GPR55: variants seen among roughly 807,000 people sequenced by gnomAD.
GPR55 encodes the protein G protein-coupled receptor 55, also known as G-protein coupled receptor 55.
In GPR55, 6 loss-of-function variants were observed where a neutral mutation model predicts 7.9. The observed-to-expected ratio is 0.76, with a 90% CI of 0.41 to 1.49. GPR55 has a LOEUF of 1.49. Among genes scored for constraint, GPR55 ranks in the 40% most tolerant of loss-of-function variants. GPR55 has a pLI of 0.01. For missense variants in GPR55, 376 were observed against 406.0 expected, an observed-to-expected ratio of 0.93 and a Z score of 0.63; for synonymous variants, 183 against 166.8, an observed-to-expected ratio of 1.10 and a Z score of -0.75.
At chr2:230,952,230 C>T (rs1346092635) in intron 1 of GPR55, among the ~76,000 whole-genome samples, 1 of 151,692 alleles carries the variant, frequency 6.6e-6, no homozygotes, top group African/African-American at 2.4e-5. Context: ...AGCTTGTGTG[C>T]CAGGAGCCAC....
chr2:230,940,056 C>T (rs1482328421), intron 1 of GPR55, among the ~76,000 whole-genome samples: 2 of 152,164 alleles, frequency 1.3e-5, no homozygotes, highest in African/African-American at 2.4e-5. Context: ...CCTCCCATCC[C>T]TGAGCTACGT....
chr2:230,935,078 T>C (rs1306959780), intron 1 of GPR55, among the ~76,000 whole-genome samples: 1 of 152,064 alleles, frequency 6.6e-6, no homozygotes, highest in African/African-American at 2.4e-5. Context: ...AGGAAACGCC[T>C]GGGGTGGGGG....
chr2:230,949,922 C>T (rs1290972671), intron 1 of GPR55, among the ~76,000 whole-genome samples: 2 of 151,816 alleles, frequency 1.3e-5, no homozygotes, highest in Admixed American at 6.5e-5. Context: ...ACAACCTCCG[C>T]CTCCCGGGTT....
Position 230,934,546 on chromosome 2 carries a change from A to G in GPR55, c.-134-23450T>C, listed in dbSNP as rs540773108. ...GGGACAGCCAGCCTGACCCAGCCCA[A>G]GTGCTTAGCAAAATGCTTAGAGCCC... is the stretch of plus-strand genomic sequence containing the variant. On this transcript the variant is annotated intron_variant, in intron 1 of 1. Transcript: ENST00000392039. Among the ~76,000 whole-genome samples, 37 of 152,316 alleles carry G rather than the reference A, an allele frequency of 2.4e-4. 1 individual carries two copies. The highest frequency in any genetic ancestry group is 1.3e-3 in the Admixed American group (20 of 15,308).
chr2:230,913,892 A>G (rs1690651900), intron 1 of GPR55, among the ~76,000 whole-genome samples: 1 of 152,244 alleles, frequency 6.6e-6, no homozygotes, highest in Non-Finnish European at 1.5e-5. Flanking sequence ...CAAGAACCAC[A>G]AAGATAAGAA....
rs1477104464 is a variant in GPR55 at position 230,907,549 on chromosome 2, G to C, written c.*2454C>G. 6.6e-6 allele frequency: 1 copy of C among 152,272 alleles called. No individual in the cohort carries two copies. Among genetic ancestry groups the C allele is most frequent in the Non-Finnish European group, 1.5e-5 (1 of 68,130 alleles). 9.4% of individuals were successfully genotyped at this position (152,272 alleles called of 1,614,324 possible). On this transcript the variant is annotated 3_prime_UTR_variant, in exon 2 of 2. Coordinates refer to ENST00000650999, the MANE Select transcript of GPR55 (RefSeq NM_005683.4). ...CAGACACGGGTCCCCACGGAGAAGA[G>C]GCCCTTCTTTCCACAGTGTTTTGGG...
At chr2:230,931,326 C>G (rs1017232300) in intron 1 of GPR55, among the ~76,000 whole-genome samples, 6 of 152,208 alleles carry the variant, frequency 3.9e-5, no homozygotes, top group Admixed American at 3.9e-4. Flanking sequence ...TGTTCATTCT[C>G]CAAACACCCT....
chr2:230,953,616 G>A (rs1439614903), intron 1 of GPR55, among the ~76,000 whole-genome samples: 1 of 152,210 alleles, frequency 6.6e-6, no homozygotes, highest in Non-Finnish European at 1.5e-5. Flanking sequence ...ATAAATTTGT[G>A]TTATTTTAAG....
intron 1 of GPR55, among the ~76,000 whole-genome samples, chr2:230,943,678 G>A (rs908297789): frequency 6.6e-6 from 1 of 152,166 alleles, no homozygotes; most frequent in Non-Finnish European, 1.5e-5. Context: ...TGGATCATGG[G>A]GGTGGATTTC....
chr2:230,942,359 TGAGA>T (rs1357529507), intron 1 of GPR55, among the ~76,000 whole-genome samples: 2 of 152,254 alleles, frequency 1.3e-5, no homozygotes, highest in East Asian at 1.9e-4. Flanking sequence ...GCAGAGCAGC[TGAGA>T]GAGAGAATTA....
chr2:230,931,729 C>G lies in GPR55; in HGVS notation c.-134-20633G>C, dbSNP rs898476512. On this transcript the variant is annotated intron_variant, in intron 1 of 1. Transcript: ENST00000392039. ...GACCTCCTGCTGCTCTCACCCCTGC[C>G]CATTAGCCCCATCCCCATGAGAGCA... Among the ~76,000 whole-genome samples the G allele has an allele frequency of 2.0e-5, 3 of 152,272 alleles. 1 individual carries two copies. Among genetic ancestry groups the G allele is most frequent in the Non-Finnish European group, 1.5e-5 (1 of 68,002 alleles).
rs1438023638 is a variant in GPR55, at chr2:230,935,339, G to A, written c.-134-24243C>T. 3.9e-5 allele frequency among the ~76,000 whole-genome samples: 6 copies of A among 152,324 alleles called. No individual in the cohort carries two copies. In the East Asian group the frequency reaches 1.2e-3, roughly 29 times the overall value. On this transcript the variant is annotated intron_variant, in intron 1 of 1. Coordinates refer to the GPR55 transcript ENST00000392039. The stretch of plus-strand genomic sequence containing the variant: ...GCGCAGCCTCCTGTCTGGATGAGGG[G>A]CCCAGGAAGCGAAGGCTGACGGGCT...
At chr2:230,948,528 C>T (rs528628499) in intron 1 of GPR55, among the ~76,000 whole-genome samples, 9 of 152,364 alleles carry the variant, frequency 5.9e-5, no homozygotes, top group Admixed American at 6.5e-5. Context: ...TACTTTCTCT[C>T]GTTGCCTTTG....
chr2:230,913,445 G>A (rs1309400925), intron 1 of GPR55, among the ~76,000 whole-genome samples: 3 of 152,140 alleles, frequency 2.0e-5, no homozygotes, highest in Non-Finnish European at 4.4e-5. Flanking sequence ...TGAGCACTAC[G>A]CACTAAACAT....
chr2:230,954,505 T>C (rs1050325901), intron 1 of GPR55, among the ~76,000 whole-genome samples: 1 of 152,222 alleles, frequency 6.6e-6, no homozygotes, highest in African/African-American at 2.4e-5. Context: ...ATAGTAGATG[T>C]ATATATTTAT....
In GPR55 at chr2:230,908,047, A is replaced by C. The variant is rs1472667654; in HGVS notation, c.*1956T>G. The stretch of plus-strand genomic sequence containing the variant: ...TGTGAAAGTCTGGCTCCCTCAGAGT[A>C]TCACGGGTGGGTCTCTGTCTAGGGT... On this transcript the variant is annotated 3_prime_UTR_variant, in exon 2 of 2. Coordinates refer to ENST00000650999, the MANE Select transcript of GPR55 (RefSeq NM_005683.4). 15 of 38,432 alleles carry C rather than the reference A, an allele frequency of 3.9e-4. No individual in the cohort carries two copies. The African/African-American group carries it at 5.0e-3, about 13-fold the overall frequency. 2.4% of individuals were successfully genotyped at this position (38,432 alleles called of 1,614,324 possible). A position where few individuals can be genotyped will look rare whatever the true frequency, so the allele number is the denominator to read the frequency against.
chr2:230,918,385 A>C (rs908736457), intron 1 of GPR55, among the ~76,000 whole-genome samples: 14 of 152,344 alleles, frequency 9.2e-5, no homozygotes, highest in African/African-American at 3.4e-4. Context: ...AATTTACCAC[A>C]ATCTATACAA....
chr2:230,960,192 G>A lies in GPR55; in HGVS notation c.-135+583C>T, dbSNP rs1466880968. 2.6e-5 allele frequency among the ~76,000 whole-genome samples: 4 copies of A among 152,220 alleles called. No homozygotes were observed. The East Asian group carries it at 7.7e-4, about 29-fold the overall frequency. Reference sequence around the variant, plus strand: ...GCACAAGACTCCAGGAAGCTGTCAAGGTCAGGGAAGGCTGAGCCTTGGACC... The same window carrying A: ...GCACAAGACTCCAGGAAGCTGTCAAAGTCAGGGAAGGCTGAGCCTTGGACC... On this transcript the variant is annotated intron_variant, in intron 1 of 1. Coordinates refer to the GPR55 transcript ENST00000392039.
At position 230,909,997 on chromosome 2, in the gene GPR55, C is replaced by T; in HGVS notation, c.*6G>A. On this transcript the variant is annotated 3_prime_UTR_variant, in exon 2 of 2. Transcript: ENST00000650999. ...GCTTTCTTCCCCTGAACAGGATGTC[C>T]TTCCGTTAGCCCCGGGAGATCGTGG... The T allele has an allele frequency of 6.2e-7, 1 of 1,608,744 alleles. No homozygotes were observed. The highest frequency in any genetic ancestry group is 8.5e-7 in the Non-Finnish European group (1 of 1,177,032).
Sources: allele counts gnomAD v4.1 joint callset (sites outside exome capture counted in the v4.1 genomes callset), GRCh38; gene constraint gnomAD v4.1.1; transcripts MANE v1.5; gene names NCBI Gene and HGNC (gene_info 2026-07-23, HGNC 2026-07-21).